The following CX3CL1 variants were observed in gnomAD, a reference collection of about 807,000 sequenced individuals.
CX3CL1 encodes C-X3-C motif chemokine ligand 1, also known as fractalkine.
CX3CL1 carries 1 observed loss-of-function variant against 14.1 expected under a neutral mutation model. The ratio of observed to expected loss-of-function variants is 0.07; its 90% CI spans 0.03 to 0.34. The LOEUF (loss-of-function observed/expected upper bound fraction) is 0.34, where lower values mean the gene tolerates loss of function less well. Among genes scored for constraint, CX3CL1 ranks in the 10% least tolerant of loss-of-function variants. The pLI, the probability that CX3CL1 is intolerant of heterozygous loss-of-function variation, is 0.99. For synonymous variants in CX3CL1, 255 were observed against 229.6 expected (o/e 1.11, Z -1.00); for missense variants, 505 against 536.4 (o/e 0.94, Z 0.58).
At position 57,382,495 on chromosome 16, in the gene CX3CL1, G is replaced by GTCCACCCAGGACCCC; in HGVS notation, c.668_682dup (p.Asp223_Gln227dup). 1 of 1,612,650 alleles carries GTCCACCCAGGACCCC rather than the reference G, an allele frequency of 6.2e-7. No homozygotes were observed. Among genetic ancestry groups the GTCCACCCAGGACCCC allele is most frequent in the Non-Finnish European group, 8.5e-7 (1 of 1,179,714 alleles). Reference sequence around the variant, plus strand: ...CTGAGGCAAAGACCTCTGAGGCCCCGTCCACCCAGGACCCCTCCACCCAGG... The same window carrying GTCCACCCAGGACCCC: ...CTGAGGCAAAGACCTCTGAGGCCCCGTCCACCCAGGACCCCTCCACCCAGGACCCCTCCACCCAGG... On this transcript the variant is annotated inframe_insertion, in exon 3 of 3. Transcript: ENST00000006053. The surrounding 1 kb of genome is among the most constrained non-coding windows in gnomAD (Gnocchi z 6.9).
chr16:57,376,717 G>A (rs1902252441), intron 1 of CX3CL1, among the ~76,000 whole-genome samples: 1 of 152,114 alleles, frequency 6.6e-6, no homozygotes, highest in Non-Finnish European at 1.5e-5. Context: ...GGAATGGGTA[G>A]AAGATTGATA....
At position 57,382,515 on chromosome 16, in the gene CX3CL1, C is replaced by T. The variant is rs552186852; in HGVS notation, c.677C>T (p.Thr226Ile). 4 of 1,613,520 alleles carry T rather than the reference C, an allele frequency of 2.5e-6. No homozygotes were observed. In the African/African-American group the frequency reaches 4.0e-5, roughly 16 times the overall value. The change falls in exon 3 of 3, where the codon ACC (threonine) becomes ATC (isoleucine). Residue 226 changes from threonine (T) to isoleucine (I), a missense_variant. Physicochemically the swap from Thr to Ile is moderately conservative, Grantham distance 89. Coordinates refer to ENST00000006053, the MANE Select transcript of CX3CL1 (RefSeq NM_002996.6). This position sits in a 1 kb window ranked among gnomAD's most constrained non-coding sequence, Gnocchi z 6.9. ...GCCCCGTCCACCCAGGACCCCTCCA[C>T]CCAGGCCTCCACTGCGTCCTCCCCA... ...SEAPSTQDPS[T>I]QASTASSPAP...
intron 2 of CX3CL1, among the ~76,000 whole-genome samples, chr16:57,381,590 T>A (rs777415423): frequency 6.6e-5 from 10 of 152,108 alleles, no homozygotes; most frequent in Non-Finnish European, 1.5e-4. Flanking sequence ...CCTGCCTTAA[T>A]GGTAACAATA....
chr16:57,378,430 C>G (rs1165120130), intron 1 of CX3CL1: 16 of 150,882 alleles, frequency 1.1e-4, no homozygotes, highest in African/African-American at 3.9e-4. Flanking sequence ...GTAGTCCCAG[C>G]TACTTGGGAG....
At chr16:57,376,170 C>T (rs62037082) in intron 1 of CX3CL1, among the ~76,000 whole-genome samples, 7,927 of 152,330 alleles carry the variant, frequency 0.052, 226 homozygotes, top group Middle Eastern at 0.078. Flanking sequence ...ACCTGTCCAT[C>T]AGGCTGGGAG....
chr16:57,383,043 C>T lies in CX3CL1; in HGVS notation c.*11C>T. ...CTGGTGCCCGTGTGAACTCCTCTGG[C>T]CTGTGTCTAGTTGTTTGATTCAGAC... On this transcript the variant is annotated 3_prime_UTR_variant, in exon 3 of 3. Coordinates refer to ENST00000006053, the MANE Select transcript of CX3CL1 (RefSeq NM_002996.6). 1.4e-6 allele frequency: 2 copies of T among 1,439,748 alleles called. No individual in the cohort carries two copies. Among genetic ancestry groups the T allele is most frequent in the South Asian group, 3.4e-5 (2 of 59,014 alleles). The allele number at this position is 1,439,748 out of a possible 1,614,324, so 89.2% of individuals were successfully genotyped here. A position where few individuals can be genotyped will look rare whatever the true frequency, so the allele number is the denominator to read the frequency against.
chr16:57,381,199 G>A (rs539002728), intron 2 of CX3CL1, among the ~76,000 whole-genome samples: 3 of 152,160 alleles, frequency 2.0e-5, no homozygotes, highest in Admixed American at 6.5e-5. Context: ...GAGCCTGGTA[G>A]CCACCTTGTG....
chr16:57,378,035 C>G (rs550453016), intron 1 of CX3CL1: 1 of 152,324 alleles, frequency 6.6e-6, no homozygotes, highest in South Asian at 2.1e-4. Flanking sequence ...CTGCCCCTTC[C>G]GCCCCACTCT....
intron 1 of CX3CL1, chr16:57,378,258 T>A (rs1434792789): frequency 3.3e-5 from 5 of 152,144 alleles, no homozygotes; most frequent in Admixed American, 6.5e-5. Flanking sequence ...ATATATTTTT[T>A]AAAAAGTTTA....
At chr16:57,377,018 A>G (rs1160784255) in intron 1 of CX3CL1, 2 of 152,152 alleles carry the variant, frequency 1.3e-5, no homozygotes, top group African/African-American at 4.8e-5. Flanking sequence ...AGAACCAAGA[A>G]CTGAGCCGGG....
At chr16:57,380,760 C>A (rs1460708380) in intron 2 of CX3CL1, among the ~76,000 whole-genome samples, 2 of 152,032 alleles carry the variant, frequency 1.3e-5, no homozygotes, top group African/African-American at 4.8e-5. Flanking sequence ...TCTCTTGGGT[C>A]CTGTCTAACC....
chr16:57,382,354 G>A lies in CX3CL1; in HGVS notation c.516G>A (p.Thr172=), dbSNP rs1284098079. 5.0e-6 allele frequency: 8 copies of A among 1,609,032 alleles called. No homozygotes were observed. In the South Asian group the frequency reaches 6.6e-5, roughly 13 times the overall value. ...CCTCAGGGACCAGGCTCCCCCCGACGCCAAAGGCTCAGGATGGAGGGCCTG... is the reference window on the plus strand; with the variant it reads ...CCTCAGGGACCAGGCTCCCCCCGACACCAAAGGCTCAGGATGGAGGGCCTG... The part of the protein sequence containing the change: ...TGSSGTRLPP[T]PKAQDGGPVG... Residue 172 remains threonine (T), a synonymous_variant, in exon 3 of 3, where the codon ACG becomes ACA. Coordinates refer to ENST00000006053, the MANE Select transcript of CX3CL1 (RefSeq NM_002996.6). The surrounding 1 kb of genome is among the most constrained non-coding windows in gnomAD (Gnocchi z 6.9).
intron 1 of CX3CL1, chr16:57,377,169 C>T (rs1221856668): frequency 1.3e-5 from 2 of 152,212 alleles, no homozygotes; most frequent in African/African-American, 4.8e-5. Flanking sequence ...CTTTCCTATC[C>T]ATTGGGCAGC....
chr16:57,372,545 C>G lies in CX3CL1; in HGVS notation c.-24C>G. ...CTCTAGCCGCCTGCCTGGCCCCCGC[C>G]GGGACTCTTGCCCACCCTCAGCCAT... On this transcript the variant is annotated 5_prime_UTR_variant, in exon 1 of 3. Coordinates refer to ENST00000006053, the MANE Select transcript of CX3CL1 (RefSeq NM_002996.6). 1 of 1,608,616 alleles carries G rather than the reference C, an allele frequency of 6.2e-7. No individual in the cohort carries two copies.
In CX3CL1 at chr16:57,380,284, G is replaced by A. The variant is rs372129155; in HGVS notation, c.191+530G>A. Among the ~76,000 whole-genome samples, 44 of 152,290 alleles carry A rather than the reference G, an allele frequency of 2.9e-4. No individual in the cohort carries two copies. In the South Asian group the frequency reaches 9.1e-3, roughly 32 times the overall value. On this transcript the variant is annotated intron_variant, in intron 2 of 2. Transcript: ENST00000006053. Reference sequence around the variant, plus strand: ...TGTAACTAAAGTGCTTGGCAAGGGCGCGGTGGCTAATGCCTGTAATACCAG... The same window carrying A: ...TGTAACTAAAGTGCTTGGCAAGGGCACGGTGGCTAATGCCTGTAATACCAG...
At chr16:57,381,388 C>G (rs777666126) in intron 2 of CX3CL1, among the ~76,000 whole-genome samples, 3 of 152,084 alleles carry the variant, frequency 2.0e-5, no homozygotes, top group Non-Finnish European at 2.9e-5. Flanking sequence ...ATATTTGGCT[C>G]TAGCCCCTTC....
rs910858539 is a variant in CX3CL1 at position 57,384,889 on chromosome 16, A to T, written c.*1857A>T. ...GCTGGGGCCAGTTGGTCCCCCTTCC[A>T]TGGACTTTGTTAGTTTCTCCAAGCA... is the stretch of plus-strand genomic sequence containing the variant. On this transcript the variant is annotated 3_prime_UTR_variant, in exon 3 of 3. Coordinates refer to ENST00000006053, the MANE Select transcript of CX3CL1 (RefSeq NM_002996.6). 4 of 152,196 alleles carry T rather than the reference A, an allele frequency of 2.6e-5. No homozygotes were observed. Among genetic ancestry groups the T allele is most frequent in the Non-Finnish European group, 4.4e-5 (3 of 68,044 alleles). 9.4% of individuals were successfully genotyped at this position (152,196 alleles called of 1,614,324 possible). A position where few individuals can be genotyped will look rare whatever the true frequency, so the allele number is the denominator to read the frequency against.
intron 1 of CX3CL1, chr16:57,377,440 A>T (rs568169656): frequency 4.0e-5 from 6 of 151,872 alleles, no homozygotes; most frequent in African/African-American, 1.2e-4. Flanking sequence ...ACAGCCCCCA[A>T]CCCCCTGAAG....
intron 1 of CX3CL1, among the ~76,000 whole-genome samples, chr16:57,376,624 C>T (rs1902251132): frequency 6.6e-6 from 1 of 151,230 alleles, no homozygotes; most frequent in Non-Finnish European, 1.5e-5. Flanking sequence ...GGAAGATTGA[C>T]AGGTGGTAGG....
Sources: gnomAD v4.1 joint callset for allele counts (sites outside exome capture counted in the v4.1 genomes callset) on GRCh38, gnomAD v4.1.1 for gene constraint, Gnocchi (gnomAD v3.1) non-coding constraint, MANE v1.5 for transcripts, NCBI Gene and HGNC (gene_info 2026-07-23, HGNC 2026-07-21) for gene names.